SIPA1L3: variants seen among roughly 807,000 people sequenced by gnomAD.
SIPA1L3 encodes signal induced proliferation associated 1 like 3.
Under a neutral mutation model 150.1 loss-of-function variants are expected in SIPA1L3, and 59 were observed. That is an observed-to-expected ratio of 0.39 (90% confidence interval 0.32 to 0.49). SIPA1L3 has a LOEUF of 0.49. Ranked by LOEUF, SIPA1L3 falls within the 20% of genes least tolerant of loss-of-function variation. SIPA1L3 has a pLI of 0.86. For synonymous variants in SIPA1L3, 1,070 were observed against 1,077.6 expected (o/e 0.99, Z 0.14); for missense variants, 2,211 against 2,489.5 (o/e 0.89, Z 2.38).
At chr19:38,167,282 CTGTG>C (rs1972232459) in intron 15 of SIPA1L3, among the ~76,000 whole-genome samples, 1 of 149,156 alleles carries the variant, frequency 6.7e-6, no homozygotes, top group Admixed American at 6.7e-5. Context: ...AATTCTTAAC[CTGTG>C]TGTGATATAC....
At chr19:37,984,070 G>A (rs571974691) in intron 1 of SIPA1L3, among the ~76,000 whole-genome samples, 27 of 152,206 alleles carry the variant, frequency 1.8e-4, no homozygotes, top group Admixed American at 1.6e-3. Context: ...GACCCAGCCC[G>A]GCTGAATCTC....
chr19:37,997,608 C>T (rs2145648463), intron 1 of SIPA1L3, among the ~76,000 whole-genome samples: 1 of 136,926 alleles, frequency 7.3e-6, no homozygotes, highest in East Asian at 2.2e-4. Context: ...TTGGCTCATG[C>T]CTGTAATCCC....
rs564344700 is a variant in SIPA1L3, at chr19:38,097,831, T to G, written c.1666-2131T>G. On this transcript the variant is annotated intron_variant, in intron 4 of 21. Coordinates refer to ENST00000222345, the MANE Select transcript of SIPA1L3 (RefSeq NM_015073.3). Reference sequence around the variant, plus strand: ...CCTCGGCCTCTCAAAGTGCTGGGATTACAGGTGTGAGCCACTGTGTCTGGC... The same window carrying G: ...CCTCGGCCTCTCAAAGTGCTGGGATGACAGGTGTGAGCCACTGTGTCTGGC... 9.8e-5 allele frequency among the ~76,000 whole-genome samples: 15 copies of G among 152,362 alleles called. No homozygotes were observed. In the South Asian group the frequency reaches 2.9e-3, roughly 29 times the overall value.
intron 1 of SIPA1L3, among the ~76,000 whole-genome samples, chr19:37,948,855 A>G (rs2046736587): frequency 6.6e-6 from 1 of 152,230 alleles, no homozygotes; most frequent in Non-Finnish European, 1.5e-5. Context: ...GGCCTGAAAG[A>G]TAAGGAGCCA....
intron 1 of SIPA1L3, among the ~76,000 whole-genome samples, chr19:38,021,296 G>A (rs1968367844): frequency 6.6e-6 from 1 of 152,184 alleles, no homozygotes; most frequent in Admixed American, 6.5e-5. Context: ...ATATAACAAT[G>A]TCTGGAGAGA....
At chr19:37,918,745 C>T (rs1228091840) in intron 1 of SIPA1L3, among the ~76,000 whole-genome samples, 5 of 151,894 alleles carry the variant, frequency 3.3e-5, no homozygotes, top group South Asian at 2.1e-4. Flanking sequence ...GTGGTGGGCA[C>T]CTGTAATCCC....
chr19:38,064,034 C>G (rs1198719424), intron 2 of SIPA1L3, among the ~76,000 whole-genome samples: 1 of 152,226 alleles, frequency 6.6e-6, no homozygotes, highest in Non-Finnish European at 1.5e-5. Flanking sequence ...CCCATCATCC[C>G]CACTCTACAA....
intron 1 of SIPA1L3, among the ~76,000 whole-genome samples, chr19:37,950,136 C>T (rs1214675087): frequency 1.3e-5 from 2 of 151,298 alleles, no homozygotes; most frequent in African/African-American, 2.4e-5. Flanking sequence ...AGAGCTCTGC[C>T]ACTTGCTAGC....
chr19:38,186,834 T>C lies in SIPA1L3; in HGVS notation c.4430+4094T>C, dbSNP rs572630464. ...GGAGAAACCCTGTCTCTACTAAAAATACAAAATTAGCCAGGCGTGGTGTCG... is the reference window on the plus strand; with the variant it reads ...GGAGAAACCCTGTCTCTACTAAAAACACAAAATTAGCCAGGCGTGGTGTCG... On this transcript the variant is annotated intron_variant, in intron 16 of 21. Transcript: ENST00000222345. Among the ~76,000 whole-genome samples the C allele has an allele frequency of 7.4e-5, 11 of 149,550 alleles. No individual in the cohort carries two copies. The East Asian group carries it at 2.3e-3, about 31-fold the overall frequency.
At chr19:37,932,774 C>T (rs2046567116) in intron 1 of SIPA1L3, 1 of 152,284 alleles carries the variant, frequency 6.6e-6, no homozygotes, top group African/African-American at 2.4e-5. Context: ...AGACAGTTAG[C>T]TTTTTTTGTT....
chr19:37,977,710 A>G (rs149770714), intron 1 of SIPA1L3, among the ~76,000 whole-genome samples: 101 of 152,268 alleles, frequency 6.6e-4, no homozygotes, highest in Non-Finnish European at 1.1e-3. Flanking sequence ...CGTGTCCTCC[A>G]TGCTCAGTAA....
At chr19:38,059,665 T>A (rs1346790111) in intron 2 of SIPA1L3, among the ~76,000 whole-genome samples, 1 of 152,172 alleles carries the variant, frequency 6.6e-6, no homozygotes, top group East Asian at 1.9e-4. Flanking sequence ...ATGTAAAACG[T>A]GAATACACAG....
chr19:37,941,087 T>TACATAC, intron 1 of SIPA1L3, among the ~76,000 whole-genome samples: 1 of 128,652 alleles, frequency 7.8e-6, no homozygotes, highest in East Asian at 2.4e-4. Context: ...CACACACACA[T>TACATAC]ACACACACAC....
chr19:37,923,666 A>G (rs993077820), intron 1 of SIPA1L3, among the ~76,000 whole-genome samples: 3 of 152,122 alleles, frequency 2.0e-5, no homozygotes, highest in Non-Finnish European at 4.4e-5. Flanking sequence ...CACTAAATTT[A>G]TTTTAAAAAA....
rs1177646479 is a variant in SIPA1L3 at position 38,160,425 on chromosome 19, C to T, written c.3662-1828C>T. Among the ~76,000 whole-genome samples, 8 of 146,794 alleles carry T rather than the reference C, an allele frequency of 5.4e-5. No individual in the cohort carries two copies. The East Asian group carries it at 1.0e-3, about 19-fold the overall frequency. On this transcript the variant is annotated intron_variant, in intron 13 of 21. Transcript: ENST00000222345. ...GCTACTCTTTTTTTTTTTTTTGAGA[C>T]GGAGTCTCGCTTAGTCTCCAGGCTG...
chr19:38,099,296 C>T (rs1478195065), intron 4 of SIPA1L3, among the ~76,000 whole-genome samples: 2 of 151,228 alleles, frequency 1.3e-5, no homozygotes, highest in Non-Finnish European at 2.9e-5. Flanking sequence ...TTGGCCTCCC[C>T]AAAGTGCTGG....
At chr19:38,187,588 G>T (rs540860146) in intron 16 of SIPA1L3, among the ~76,000 whole-genome samples, 1 of 151,350 alleles carries the variant, frequency 6.6e-6, no homozygotes, top group African/African-American at 2.4e-5. Flanking sequence ...GAGGTGGCGG[G>T]CGCCTGTAGT....
chr19:38,196,786 C>A (rs1485548967), intron 18 of SIPA1L3, among the ~76,000 whole-genome samples: 2 of 151,866 alleles, frequency 1.3e-5, no homozygotes, highest in African/African-American at 4.8e-5. Flanking sequence ...AGCAAGGAGG[C>A]TGAGGGACGA....
chr19:38,181,136 C>T (rs139369575), intron 15 of SIPA1L3, among the ~76,000 whole-genome samples: 62 of 152,314 alleles, frequency 4.1e-4, no homozygotes, highest in African/African-American at 1.4e-3. Flanking sequence ...TTCCTCTGTT[C>T]TTCCCTAAAG....
Sources: gnomAD v4.1 joint callset for allele counts (sites outside exome capture counted in the v4.1 genomes callset) on GRCh38, gnomAD v4.1.1 for gene constraint, MANE v1.5 for transcripts, NCBI Gene and HGNC (gene_info 2026-07-23, HGNC 2026-07-21) for gene names.